ZPLD1: variants seen among roughly 807,000 people sequenced by gnomAD.
The protein encoded by ZPLD1 is zona pellucida like domain containing 1, also known as zona pellucida-like domain-containing protein 1.
A neutral mutation model predicts 47.2 loss-of-function variants in ZPLD1; 34 were observed. That is an observed-to-expected ratio of 0.72 (90% confidence interval 0.55 to 0.96). ZPLD1 has a LOEUF of 0.96. ZPLD1 is among the 40% of genes least tolerant of loss of function. ZPLD1 has a pLI of 0.00. For missense variants in ZPLD1, 512 were observed against 505.8 expected (o/e 1.01, Z -0.12); for synonymous variants, 176 against 186.2 (o/e 0.95, Z 0.45).
At chr3:102,474,992 T>C (rs1707737046) in intron 10 of ZPLD1, among the ~76,000 whole-genome samples, 1 of 152,022 alleles carries the variant, frequency 6.6e-6, no homozygotes, top group Non-Finnish European at 1.5e-5. Context: ...TTTTTTTTGT[T>C]TGTTTGTTTT....
intron 6 of ZPLD1, among the ~76,000 whole-genome samples, chr3:102,388,156 G>A (rs1314526734): frequency 1.3e-5 from 2 of 151,926 alleles, no homozygotes; most frequent in African/African-American, 4.8e-5. Flanking sequence ...CACCATGCCC[G>A]GCCTCAGTTC....
At chr3:102,405,722 T>C (rs138999657) in intron 7 of ZPLD1, among the ~76,000 whole-genome samples, 9 of 152,066 alleles carry the variant, frequency 5.9e-5, no homozygotes, top group African/African-American at 1.7e-4. Context: ...TCTGATTTTT[T>C]TAAATGTCTG....
At chr3:102,451,664 C>T (rs994948191) in intron 3 of ZPLD1, among the ~76,000 whole-genome samples, 1 of 152,124 alleles carries the variant, frequency 6.6e-6, no homozygotes, top group African/African-American at 2.4e-5. Context: ...GGCCATGCTC[C>T]CTCTGAAAGT....
chr3:102,401,105 A>G (rs1482991255), intron 7 of ZPLD1, among the ~76,000 whole-genome samples: 1 of 152,076 alleles, frequency 6.6e-6, no homozygotes, highest in Non-Finnish European at 1.5e-5. Flanking sequence ...GTAGCCCTGA[A>G]GGAAAAAAGC....
chr3:102,425,771 T>C (rs1265149835), intron 8 of ZPLD1, among the ~76,000 whole-genome samples: 1 of 151,956 alleles, frequency 6.6e-6, no homozygotes, highest in African/African-American at 2.4e-5. Flanking sequence ...GTAATAATTT[T>C]CCTTCCTTTC....
chr3:102,431,917 A>G (rs952508784), upstream of ZPLD1, among the ~76,000 whole-genome samples: 1 of 152,200 alleles, frequency 6.6e-6, no homozygotes, highest in African/African-American at 2.4e-5. Context: ...CTCACAAACA[A>G]ACAAACAAAA....
rs1236379221 is a variant in ZPLD1 at position 102,436,907 on chromosome 3, T to A, written c.-75T>A. 1 of 985,360 alleles carries A rather than the reference T, an allele frequency of 1.0e-6. No individual in the cohort carries two copies. Among genetic ancestry groups the A allele is most frequent in the Non-Finnish European group, 1.2e-6 (1 of 829,950 alleles). The allele number at this position is 985,360 out of a possible 1,614,324, so 61.0% of individuals were successfully genotyped here. A position where few individuals can be genotyped will look rare whatever the true frequency, so the allele number is the denominator to read the frequency against. On this transcript the variant is annotated 5_prime_UTR_variant, in exon 2 of 12. It removes an upstream start codon present in the reference 5' UTR. Transcript: ENST00000466937. The stretch of plus-strand genomic sequence containing the variant: ...AACAGTGTGGGTCTAGAGTTTCCAA[T>A]GTCTTCCAGGAGTTCTTGGGACCCA...
At chr3:102,449,605 G>T (rs1337882873) in intron 3 of ZPLD1, among the ~76,000 whole-genome samples, 1 of 152,058 alleles carries the variant, frequency 6.6e-6, no homozygotes, top group Non-Finnish European at 1.5e-5. Context: ...TAGTCACTGG[G>T]AGCCATCTTG....
upstream of ZPLD1, among the ~76,000 whole-genome samples, chr3:102,430,680 A>G (rs1707005714): frequency 6.6e-6 from 1 of 152,230 alleles, no homozygotes; most frequent in Non-Finnish European, 1.5e-5. Flanking sequence ...GTACCCATGA[A>G]CATACATTTG....
intron 10 of ZPLD1, among the ~76,000 whole-genome samples, chr3:102,475,373 T>A (rs902607980): frequency 6.6e-6 from 1 of 152,166 alleles, no homozygotes; most frequent in Non-Finnish European, 1.5e-5. Context: ...AGAAAGGGCA[T>A]CTAGTCATAG....
At chr3:102,463,209 A>G (rs1314895590) in intron 7 of ZPLD1, among the ~76,000 whole-genome samples, 1 of 152,146 alleles carries the variant, frequency 6.6e-6, no homozygotes, top group Non-Finnish European at 1.5e-5. Context: ...AACCTTGTGG[A>G]GGAAGGCTGT....
intron 3 of ZPLD1, among the ~76,000 whole-genome samples, chr3:102,443,679 T>C (rs1377247883): frequency 6.6e-6 from 1 of 152,150 alleles, no homozygotes; most frequent in Non-Finnish European, 1.5e-5. Context: ...GGAGGTAAAA[T>C]TGAGAATCAA....
rs147437372 is a variant in ZPLD1 at position 102,465,565 on chromosome 3, G to T, written c.761+1314G>T. ...ACAGTGGTTTTTTATGCTTGGTAGG[G>T]TTATGGATTTTTTTTGACATTTCTC... is the stretch of plus-strand genomic sequence containing the variant. On this transcript the variant is annotated intron_variant, in intron 8 of 11. Coordinates refer to ENST00000466937, the MANE Select transcript of ZPLD1 (RefSeq NM_001329788.2). Among the ~76,000 whole-genome samples, 4 of 152,216 alleles carry T rather than the reference G, an allele frequency of 2.6e-5. No homozygotes were observed. In the East Asian group the frequency reaches 7.7e-4, roughly 29 times the overall value.
At chr3:102,447,702 G>A (rs62272480) in intron 3 of ZPLD1, among the ~76,000 whole-genome samples, 22,098 of 152,118 alleles carry the variant, frequency 0.15, 1,646 homozygotes, top group Middle Eastern at 0.18. Context: ...ATGAGCCTCA[G>A]TTGAATGCTG....
Position 102,453,105 on chromosome 3 carries a change from T to G in ZPLD1, c.293T>G (p.Leu98Arg), listed in dbSNP as rs2107336175. Residue 98 changes from leucine (L) to arginine (R), a missense_variant, in exon 4 of 12, where the codon CTC (leucine) becomes CGC (arginine). Physicochemically the swap from Leu to Arg is moderately radical, Grantham distance 102. Coordinates refer to ENST00000466937, the MANE Select transcript of ZPLD1 (RefSeq NM_001329788.2). ...FPAVVIFIIN[L>R]STLEGCGNNL... ...GCAGTGGTCATTTTTATCATCAATC[T>G]CAGCACCTTGGAGGGCTGTGGAAAC... 1 of 1,614,066 alleles carries G rather than the reference T, an allele frequency of 6.2e-7. No homozygotes were observed. Among genetic ancestry groups the G allele is most frequent in the South Asian group, 1.1e-5 (1 of 91,076 alleles).
At chr3:102,475,251 G>A (rs1319905401) in intron 10 of ZPLD1, among the ~76,000 whole-genome samples, 1 of 152,026 alleles carries the variant, frequency 6.6e-6, no homozygotes, top group Admixed American at 6.6e-5. Flanking sequence ...TGTCCACAGC[G>A]AAGTCCTCAT....
In ZPLD1 at chr3:102,452,774, G is replaced by C. The variant is rs1352933269; in HGVS notation, c.107-145G>C. The C allele has an allele frequency of 5.3e-5, 47 of 886,358 alleles. No individual in the cohort carries two copies. In the South Asian group the frequency reaches 8.3e-4, roughly 16 times the overall value. 54.9% of individuals were successfully genotyped at this position (886,358 alleles called of 1,614,324 possible). A position where few individuals can be genotyped will look rare whatever the true frequency, so the allele number is the denominator to read the frequency against. On this transcript the variant is annotated intron_variant, in intron 3 of 11. Coordinates refer to ENST00000466937, the MANE Select transcript of ZPLD1 (RefSeq NM_001329788.2). Reference sequence around the variant, plus strand: ...TTTTTCTTGTCTACTTTACTTAATAGCTGGCACATTGGATTATGGTGTATC... The same window carrying C: ...TTTTTCTTGTCTACTTTACTTAATACCTGGCACATTGGATTATGGTGTATC...
At chr3:102,424,332 A>G (rs1267394316) in intron 8 of ZPLD1, among the ~76,000 whole-genome samples, 1 of 151,952 alleles carries the variant, frequency 6.6e-6, no homozygotes, top group Non-Finnish European at 1.5e-5. Context: ...GTATCTTCAT[A>G]TTTTTCTCCT....
intron 8 of ZPLD1, among the ~76,000 whole-genome samples, chr3:102,421,905 AG>A (rs144877475): frequency 0.024 from 3,608 of 152,050 alleles, 146 homozygotes; most frequent in African/African-American, 0.082. Context: ...TAGACCCCCA[AG>A]TCCCATTTTC....
Sources: allele counts gnomAD v4.1 joint callset (sites outside exome capture counted in the v4.1 genomes callset), GRCh38; gene constraint gnomAD v4.1.1; transcripts MANE v1.5; gene names NCBI Gene and HGNC (gene_info 2026-07-23, HGNC 2026-07-21).